MYF6: variants seen among roughly 807,000 people sequenced by gnomAD.
MYF6 encodes class C basic helix-loop-helix protein 4.
In MYF6, 20 loss-of-function variants were observed where a neutral mutation model predicts 21.7. The ratio of observed to expected loss-of-function variants is 0.92; its 90% CI spans 0.65 to 1.34. The LOEUF is 1.34. Ranked by LOEUF, MYF6 falls within the 40% of genes most tolerant of loss-of-function variation. MYF6 has a pLI of 0.00. For missense variants in MYF6, 320 were observed against 304.1 expected, an observed-to-expected ratio of 1.05 and a Z score of -0.39; for synonymous variants, 124 against 124.7, an observed-to-expected ratio of 0.99 and a Z score of 0.04.
Position 80,707,669 on chromosome 12 carries a change from T to G in MYF6, c.-51T>G, listed in dbSNP as rs1457640373. Reference sequence around the variant, plus strand: ...TGCCATCTGGGTGGTTCCTCTGGGTTTTTGAGTCCATCACCCAGTTCAGAT... The same window carrying G: ...TGCCATCTGGGTGGTTCCTCTGGGTGTTTGAGTCCATCACCCAGTTCAGAT... On this transcript the variant is annotated 5_prime_UTR_variant, in exon 1 of 3. Transcript: ENST00000228641. The G allele has an allele frequency of 6.2e-7, 1 of 1,610,484 alleles. No homozygotes were observed. Among genetic ancestry groups the G allele is most frequent in the Non-Finnish European group, 8.5e-7 (1 of 1,176,982 alleles).
chr12:80,708,735 G>A, intron 2 of MYF6, 107 bp from the exon 3 acceptor site: 1 of 1,514,594 alleles, frequency 6.6e-7, no homozygotes, highest in Non-Finnish European at 9.2e-7. Flanking sequence ...CTCTTTGCGC[G>A]CCGGGACCAG....
chr12:80,708,529 G>C lies in MYF6; in HGVS notation c.525G>C (p.Glu175Asp). The C allele has an allele frequency of 6.2e-7, 1 of 1,614,000 alleles. No individual in the cohort carries two copies. Among genetic ancestry groups the C allele is most frequent in the Non-Finnish European group, 8.5e-7 (1 of 1,179,936 alleles). Residue 175 changes from glutamate to aspartate, a missense_variant, in exon 2 of 3, where the codon GAG (glutamate) becomes GAC (aspartate). Coordinates refer to ENST00000228641, the MANE Select transcript of MYF6 (RefSeq NM_002469.3). ...TGCCTTGGTTTTCCCTCCAGCTTGA[G>C]GGTGCGGATTTCCTGCGCACCTGCA... Reference protein sequence around the residue: ...FSYRPKQENLEGADFLRTCSS... With the variant: ...FSYRPKQENLDGADFLRTCSS...
At position 80,709,263 on chromosome 12, in the gene MYF6, G is replaced by C. The variant is rs901965689; in HGVS notation, c.*303G>C. 3.3e-6 allele frequency: 1 copy of C among 302,154 alleles called. No individual in the cohort carries two copies. Among genetic ancestry groups the C allele is most frequent in the African/African-American group, 2.2e-5 (1 of 46,460 alleles). 18.7% of individuals were successfully genotyped at this position (302,154 alleles called of 1,614,324 possible). On this transcript the variant is annotated 3_prime_UTR_variant, in exon 3 of 3. Coordinates refer to ENST00000228641, the MANE Select transcript of MYF6 (RefSeq NM_002469.3). ...TTATACTATATTAACTTTTATTACGGTGATCCTTTTGTGCCATGTTCAAAA... is the reference window on the plus strand; with the variant it reads ...TTATACTATATTAACTTTTATTACGCTGATCCTTTTGTGCCATGTTCAAAA...
chr12:80,709,071 G>A lies in MYF6; in HGVS notation c.*111G>A. On this transcript the variant is annotated 3_prime_UTR_variant, in exon 3 of 3. Coordinates refer to ENST00000228641, the MANE Select transcript of MYF6 (RefSeq NM_002469.3). ...ACATTAACATTTAGGAACCCAGACC[G>A]AAAAGTTGCTGAAAGGGAAGGAGAC... The A allele has an allele frequency of 4.5e-6, 4 of 894,434 alleles. No homozygotes were observed. Among genetic ancestry groups the A allele is most frequent in the Non-Finnish European group, 5.4e-6 (3 of 556,498 alleles). 55.4% of individuals were successfully genotyped at this position (894,434 alleles called of 1,614,324 possible). A position where few individuals can be genotyped will look rare whatever the true frequency, so the allele number is the denominator to read the frequency against.
chr12:80,707,652 G>A lies in MYF6; in HGVS notation c.-68G>A. 1.3e-6 allele frequency: 2 copies of A among 1,578,806 alleles called. No homozygotes were observed. The highest frequency in any genetic ancestry group is 1.7e-6 in the Non-Finnish European group (2 of 1,148,788). ...TCACTGCACTAATTAAATGCCATCT[G>A]GGTGGTTCCTCTGGGTTTTTGAGTC... On this transcript the variant is annotated 5_prime_UTR_variant, in exon 1 of 3. Coordinates refer to ENST00000228641, the MANE Select transcript of MYF6 (RefSeq NM_002469.3).
chr12:80,709,178 A>AT lies in MYF6; in HGVS notation c.*225dup, dbSNP rs1221601865. The AT allele has an allele frequency of 1.1e-5, 6 of 543,892 alleles. No homozygotes were observed. Among genetic ancestry groups the AT allele is most frequent in the Non-Finnish European group, 2.0e-5 (6 of 302,922 alleles). The allele number at this position is 543,892 out of a possible 1,614,324, so 33.7% of individuals were successfully genotyped here. On this transcript the variant is annotated 3_prime_UTR_variant, in exon 3 of 3. Coordinates refer to ENST00000228641, the MANE Select transcript of MYF6 (RefSeq NM_002469.3). Reference sequence around the variant, plus strand: ...AAACGCCTTTCGGCTTTGGGCTTTTATTTTTTTGGAACTGCGAGTGGCTTA... The same window carrying AT: ...AAACGCCTTTCGGCTTTGGGCTTTTATTTTTTTTGGAACTGCGAGTGGCTTA...
At position 80,709,172 on chromosome 12, in the gene MYF6, G is replaced by A. The variant is rs1868431265; in HGVS notation, c.*212G>A. On this transcript the variant is annotated 3_prime_UTR_variant, in exon 3 of 3. Coordinates refer to ENST00000228641, the MANE Select transcript of MYF6 (RefSeq NM_002469.3). ...AAATGAAAACGCCTTTCGGCTTTGG[G>A]CTTTTATTTTTTTGGAACTGCGAGT... 2.5e-5 allele frequency: 14 copies of A among 553,058 alleles called. No individual in the cohort carries two copies. The South Asian group carries it at 2.9e-4, about 11-fold the overall frequency. The allele number at this position is 553,058 out of a possible 1,614,324, so 34.3% of individuals were successfully genotyped here.
chr12:80,708,469 A>ACCCCCCC, intron 1 of MYF6, 55 bp from the exon 2 acceptor site: 1 of 1,416,842 alleles, frequency 7.1e-7, no homozygotes, highest in Non-Finnish European at 1.0e-6. Flanking sequence ...CCCCACCCCA[A>ACCCCCCC]CCCCGGAACC....
chr12:80,708,087 AC>A lies in MYF6; in HGVS notation c.372del (p.Asn125ThrfsTer74), dbSNP rs765636506. On this transcript the variant is annotated frameshift_variant, in exon 1 of 3. Transcript: ENST00000228641. LOFTEE classifies it high-confidence loss of function. Reference protein sequence around the residue: ...FEALKRRTVANPNQRLPKVEI... With the variant: ...FEALKRRTVAXPNQRLPKVEI... ...GCACTGAAGCGGCGAACTGTGGCCA[AC>A]CCCAACCAGAGGCTGCCCAAGGTGG... The A allele has an allele frequency of 1.9e-6, 3 of 1,614,160 alleles. No homozygotes were observed. The highest frequency in any genetic ancestry group is 2.5e-6 in the Non-Finnish European group (3 of 1,180,038).
Position 80,708,914 on chromosome 12 carries a change from C to T in MYF6, c.683C>T (p.Ser228Leu), listed in dbSNP as rs201098963. ...TCTTCCATCGTGGACAGTATTTCCT[C>T]GGAGGAACGCAAACTCCCCTGCGTG... ...CLSSIVDSIS[S>L]EERKLPCVEE... Residue 228 changes from serine (S) to leucine (L), a missense_variant, in exon 3 of 3, where the codon TCG (serine) becomes TTG (leucine). By Grantham distance (145) the Ser-to-Leu change is moderately radical (BLOSUM62 -2). Coordinates refer to ENST00000228641, the MANE Select transcript of MYF6 (RefSeq NM_002469.3). The T allele has an allele frequency of 2.0e-5, 33 of 1,614,086 alleles. No homozygotes were observed. The East Asian group carries it at 2.7e-4, about 13-fold the overall frequency.
At chr12:80,708,358 G>A (rs1346321919) in intron 1 of MYF6, 120 bp downstream of exon 1, 4 of 1,410,168 alleles carry the variant, frequency 2.8e-6, no homozygotes, top group Non-Finnish European at 3.8e-6. Flanking sequence ...CGCCCCTCCC[G>A]CTCCGTCTCT....
Position 80,707,969 on chromosome 12 carries a change from A to G in MYF6, c.250A>G (p.Thr84Ala). Residue 84 changes from threonine (T) to alanine (A), a missense_variant, in exon 1 of 3, where the codon ACC becomes GCC. Coordinates refer to ENST00000228641, the MANE Select transcript of MYF6 (RefSeq NM_002469.3). ...PGQCLIWACK[T>A]CKRKSAPTDR... Reference sequence around the variant, plus strand: ...CCAGTGTCTGATCTGGGCTTGCAAGACCTGCAAGAGAAAATCTGCCCCCAC... The same window carrying G: ...CCAGTGTCTGATCTGGGCTTGCAAGGCCTGCAAGAGAAAATCTGCCCCCAC... 5 of 1,614,116 alleles carry G rather than the reference A, an allele frequency of 3.1e-6. No homozygotes were observed. The highest frequency in any genetic ancestry group is 4.2e-6 in the Non-Finnish European group (5 of 1,180,030).
In MYF6 at chr12:80,708,134, A is replaced by G; in HGVS notation, c.415A>G (p.Ser139Gly). 4 of 1,614,192 alleles carry G rather than the reference A, an allele frequency of 2.5e-6. No homozygotes were observed. The highest frequency in any genetic ancestry group is 2.5e-6 in the Non-Finnish European group (3 of 1,180,038). The change falls in exon 1 of 3, where the codon AGC becomes GGC. Residue 139 changes from serine (S) to glycine (G), a missense_variant. Physicochemically the swap from Ser to Gly is moderately conservative, Grantham distance 56. Transcript: ENST00000228641. ...GGTGGAGATTCTGCGGAGCGCCATC[A>G]GCTATATTGAGCGGCTGCAGGACCT... ...PKVEILRSAISYIERLQDLLH... is the reference protein window; with the variant it reads ...PKVEILRSAIGYIERLQDLLH...
rs1292520140 is a variant in MYF6 at position 80,708,866 on chromosome 12, C to G, written c.635C>G (p.Ala212Gly). Residue 212 changes from alanine (A) to glycine (G), a missense_variant, in exon 3 of 3, where the codon GCC (alanine) becomes GGC (glycine). Coordinates refer to ENST00000228641, the MANE Select transcript of MYF6 (RefSeq NM_002469.3). The stretch of plus-strand genomic sequence containing the variant: ...GGAGGAGCAAGTATTGATTCGTCAG[C>G]CTCGAGTAGCCTTCGATGCCTTTCT... ...KEGGASIDSS[A>G]SSSLRCLSSI... 1.2e-6 allele frequency: 2 copies of G among 1,614,174 alleles called. No individual in the cohort carries two copies. The highest frequency in any genetic ancestry group is 1.1e-5 in the South Asian group (1 of 91,082).
intron 2 of MYF6, 81 bp from the exon 3 acceptor site, chr12:80,708,761 C>T: frequency 4.5e-6 from 7 of 1,544,072 alleles, no homozygotes; most frequent in Non-Finnish European, 6.3e-6. Context: ...TCCTCGCTGC[C>T]AAAGCGGCCT....
Position 80,708,064 on chromosome 12 carries a change from A to G in MYF6, c.345A>G (p.Ala115=). The G allele has an allele frequency of 6.2e-7, 1 of 1,614,188 alleles. No homozygotes were observed. The highest frequency in any genetic ancestry group is 8.5e-7 in the Non-Finnish European group (1 of 1,180,036). Residue 115 remains alanine, a synonymous_variant, in exon 1 of 3, where the codon GCA becomes GCG. Coordinates refer to ENST00000228641, the MANE Select transcript of MYF6 (RefSeq NM_002469.3). ...AGAAAATCAACGAGGCCTTCGAGGCACTGAAGCGGCGAACTGTGGCCAACC... is the reference window on the plus strand; with the variant it reads ...AGAAAATCAACGAGGCCTTCGAGGCGCTGAAGCGGCGAACTGTGGCCAACC... The part of the protein sequence containing the change: ...RLKKINEAFE[A]LKRRTVANPN...
intron 2 of MYF6, 76 bp from the exon 3 acceptor site, chr12:80,708,766 C>T (rs1276775134): frequency 2.6e-6 from 4 of 1,543,708 alleles, no homozygotes; most frequent in Non-Finnish European, 3.6e-6. Flanking sequence ...GCTGCCAAAG[C>T]GGCCTCGCGC....
chr12:80,708,279 G>A, intron 1 of MYF6, 41 bp downstream of exon 1: 1 of 1,589,040 alleles, frequency 6.3e-7, no homozygotes, highest in Non-Finnish European at 8.5e-7. Flanking sequence ...TGCGAAGGCT[G>A]ATTAAACGCC....
At chr12:80,708,694 G>C in intron 2 of MYF6, 80 bp downstream of exon 2, 1 of 1,536,886 alleles carries the variant, frequency 6.5e-7, no homozygotes, top group South Asian at 1.1e-5. Context: ...GGCTCGAAGC[G>C]AGAGCAGGGA....
Sources: gnomAD v4.1 joint callset for allele counts on GRCh38, gnomAD v4.1.1 for gene constraint, MANE v1.5 for transcripts, NCBI Gene and HGNC (gene_info 2026-07-23, HGNC 2026-07-21) for gene names.